PLXNC1: variants seen among roughly 807,000 people sequenced by gnomAD.
The protein encoded by PLXNC1 is plexin-C1.
PLXNC1 carries 75 observed loss-of-function variants against 178.2 expected under a neutral mutation model. The ratio of observed to expected loss-of-function variants is 0.42; its 90% CI spans 0.35 to 0.51. The LOEUF is 0.51. Ranked by LOEUF, PLXNC1 falls within the 20% of genes least tolerant of loss-of-function variation. The probability of loss-of-function intolerance (pLI) is 0.02; values close to 1 mark genes in which losing one functional copy is unlikely to be tolerated. For synonymous variants in PLXNC1, 790 were observed against 779.9 expected (o/e 1.01, Z -0.22); for missense variants, 1,503 against 1,984.4 (o/e 0.76, Z 4.61).
chr12:94,164,661 GCACACACACACACACACACACACACA>G (rs3060912), intron 1 of PLXNC1, among the ~76,000 whole-genome samples: 5 of 148,714 alleles, frequency 3.4e-5, no homozygotes, highest in Non-Finnish European at 7.4e-5. Context: ...ATGACTCCCT[GCACACACACACACACACACACACACA>G]CACACACACA....
In PLXNC1 at chr12:94,249,435, TGTTGGGCTGGCTG is replaced by T. The variant is rs940697001; in HGVS notation, c.2778+1026_2778+1038del. Among the ~76,000 whole-genome samples the T allele has an allele frequency of 7.9e-5, 12 of 152,136 alleles. No individual in the cohort carries two copies. The East Asian group carries it at 1.7e-3, about 22-fold the overall frequency. ...TTTTAGTAGAGACGGAGTTTCACTG[TGTTGGGCTGGCTG>T]GTCCCAAACTCCTTGCCTCAAGTGA... On this transcript the variant is annotated intron_variant, in intron 14 of 30. Transcript: ENST00000258526.
chr12:94,203,142 CA>C (rs1963193927), intron 4 of PLXNC1, among the ~76,000 whole-genome samples: 1 of 152,040 alleles, frequency 6.6e-6, no homozygotes. Context: ...AAGAGTTACC[CA>C]AACTAGCCAA....
rs1592758581 is a variant in PLXNC1, at chr12:94,201,027, A to T, written c.1440-8563A>T. 2.0e-5 allele frequency among the ~76,000 whole-genome samples: 3 copies of T among 151,530 alleles called. No homozygotes were observed. The East Asian group carries it at 5.8e-4, about 29-fold the overall frequency. On this transcript the variant is annotated intron_variant, in intron 4 of 30. Coordinates refer to ENST00000258526, the MANE Select transcript of PLXNC1 (RefSeq NM_005761.3). ...ATTTCCTTGTTAATCCAATTCAGCT[A>T]CCTTTTGTTGAATCCCAGCCATGGG...
chr12:94,149,859 C>T lies in PLXNC1; in HGVS notation c.888C>T (p.Ser296=). The T allele has an allele frequency of 6.3e-7, 1 of 1,588,028 alleles. No homozygotes were observed. The change falls in exon 1 of 31, where the codon TCC becomes TCT. Residue 296 remains serine, a synonymous_variant. Coordinates refer to ENST00000258526, the MANE Select transcript of PLXNC1 (RefSeq NM_005761.3). ...GHPDGRRLLL[S]SSLVEALDVW... ...CCGACGGCCGCCGCCTGCTCCTCTC[C>T]TCCAGCCTAGTGGAGGCCCTGGACG...
intron 20 of PLXNC1, among the ~76,000 whole-genome samples, chr12:94,261,687 T>C (rs74870564): frequency 0.034 from 5,203 of 152,318 alleles, 163 homozygotes; most frequent in African/African-American, 0.078. Flanking sequence ...CATCCAGATT[T>C]CAGCAAAACT....
At chr12:94,179,023 A>G (rs1962203866) in intron 2 of PLXNC1, among the ~76,000 whole-genome samples, 1 of 152,188 alleles carries the variant, frequency 6.6e-6, no homozygotes, top group South Asian at 2.1e-4. Flanking sequence ...CACCAAATCC[A>G]CCTGGGCTTG....
intron 6 of PLXNC1, 117 bp from the exon 7 acceptor site, chr12:94,224,111 C>T: frequency 1.4e-6 from 1 of 712,508 alleles, no homozygotes; most frequent in Non-Finnish European, 2.6e-6. Flanking sequence ...AAACAGCTGG[C>T]ACGCTCCTGC....
intron 1 of PLXNC1, among the ~76,000 whole-genome samples, chr12:94,163,670 G>A (rs1961479557): frequency 6.6e-6 from 1 of 152,060 alleles, no homozygotes; most frequent in Non-Finnish European, 1.5e-5. Context: ...TGCTTCCCAC[G>A]GCTGTGCTGC....
intron 4 of PLXNC1, among the ~76,000 whole-genome samples, chr12:94,196,937 C>A (rs139986281): frequency 6.6e-6 from 1 of 152,326 alleles, no homozygotes; most frequent in African/African-American, 2.4e-5. Flanking sequence ...AAACAACATG[C>A]ACTTGTGATC....
intron 4 of PLXNC1, among the ~76,000 whole-genome samples, chr12:94,200,782 T>A (rs1963091038): frequency 6.6e-6 from 1 of 152,234 alleles, no homozygotes; most frequent in South Asian, 2.1e-4. Flanking sequence ...AGTACACTCA[T>A]TGCCCACAAA....
intron 1 of PLXNC1, among the ~76,000 whole-genome samples, chr12:94,162,604 C>A (rs142241987): frequency 6.6e-6 from 1 of 151,930 alleles, no homozygotes; most frequent in East Asian, 1.9e-4. Flanking sequence ...TGCACTAGAT[C>A]GGGAGGGGAA....
intron 28 of PLXNC1, among the ~76,000 whole-genome samples, chr12:94,302,452 T>G (rs1593017677): frequency 6.6e-6 from 1 of 152,340 alleles, no homozygotes; most frequent in East Asian, 1.9e-4. Context: ...ATATGCCTAC[T>G]TTGTGAACTT....
rs1353569395 is a variant in PLXNC1 at position 94,307,244 on chromosome 12, A to G, written c.*1959A>G. ...TACCTCTTTGTGCCTCAATTTCTGT[A>G]TAATATTTCTAAGCTACCTCACTGA... On this transcript the variant is annotated 3_prime_UTR_variant, in exon 31 of 31. Transcript: ENST00000258526. The G allele has an allele frequency of 8.4e-6, 1 of 119,206 alleles. No homozygotes were observed. Among genetic ancestry groups the G allele is most frequent in the East Asian group, 1.9e-4 (1 of 5,178 alleles). 7.4% of individuals were successfully genotyped at this position (119,206 alleles called of 1,614,324 possible). A position where few individuals can be genotyped will look rare whatever the true frequency, so the allele number is the denominator to read the frequency against.
intron 2 of PLXNC1, among the ~76,000 whole-genome samples, chr12:94,173,016 C>T (rs1387910906): frequency 2.0e-5 from 3 of 152,064 alleles, no homozygotes; most frequent in Admixed American, 6.5e-5. Flanking sequence ...ATCGGTGTAC[C>T]GTCCCATGGT....
intron 9 of PLXNC1, among the ~76,000 whole-genome samples, chr12:94,231,910 GT>G (rs1964114744): frequency 6.6e-6 from 1 of 152,008 alleles, no homozygotes; most frequent in East Asian, 1.9e-4. Flanking sequence ...CCTCTCTTTT[GT>G]GCATTCAAGG....
intron 22 of PLXNC1, among the ~76,000 whole-genome samples, chr12:94,281,571 T>C (rs1026796376): frequency 4.7e-5 from 7 of 147,870 alleles, no homozygotes; most frequent in African/African-American, 1.8e-4. Flanking sequence ...CAGTTTTTTA[T>C]ATGCAACTTA....
intron 4 of PLXNC1, among the ~76,000 whole-genome samples, chr12:94,187,196 A>G (rs895240771): frequency 3.9e-4 from 56 of 144,798 alleles, no homozygotes; most frequent in African/African-American, 1.5e-3. Context: ...GAGAGAGAAA[A>G]AAAAACCCAT....
intron 27 of PLXNC1, among the ~76,000 whole-genome samples, chr12:94,300,526 G>A (rs1341967558): frequency 1.3e-5 from 2 of 152,204 alleles, no homozygotes; most frequent in Non-Finnish European, 2.9e-5. Context: ...GAGATGGAGA[G>A]CCTCAGAGGG....
At chr12:94,213,695 GC>G (rs1263712568) in intron 5 of PLXNC1, among the ~76,000 whole-genome samples, 1 of 152,182 alleles carries the variant, frequency 6.6e-6, no homozygotes, top group East Asian at 1.9e-4. Flanking sequence ...TGTTGCCATT[GC>G]TTTTGGTGTT....
Sources: gnomAD v4.1 joint callset for allele counts (sites outside exome capture counted in the v4.1 genomes callset) on GRCh38, gnomAD v4.1.1 for gene constraint, MANE v1.5 for transcripts, NCBI Gene and HGNC (gene_info 2026-07-23, HGNC 2026-07-21) for gene names.